The following LMOD2 variants were observed in gnomAD, a reference collection of about 807,000 sequenced individuals.
The protein encoded by LMOD2 is leiomodin 2, also known as leiomodin-2.
Under a neutral mutation model 41.7 loss-of-function variants are expected in LMOD2, and 27 were observed. The ratio of observed to expected loss-of-function variants is 0.65; its 90% CI spans 0.48 to 0.89. LMOD2 has a LOEUF of 0.89. Among genes scored for constraint, LMOD2 ranks in the 40% least tolerant of loss-of-function variants. The pLI is 0.00. For synonymous variants in LMOD2, 251 were observed against 244.6 expected, an observed-to-expected ratio of 1.03 and a Z score of -0.25; for missense variants, 624 against 667.9, an observed-to-expected ratio of 0.93 and a Z score of 0.72.
chr7:123,663,704 C>A lies in LMOD2; in HGVS notation c.1618-15C>A. The A allele has an allele frequency of 6.4e-7, 1 of 1,573,500 alleles. No homozygotes were observed. The highest frequency in any genetic ancestry group is 1.2e-5 in the South Asian group (1 of 85,798). On this transcript the variant is annotated splice_polypyrimidine_tract_variant and intron_variant, in intron 2 of 2. Transcript: ENST00000458573. ...GTGTGTTGTTTCATTGAGAGAAAAT[C>A]CGCTATTTTTGTAGGTGGAAGTTCC... is the stretch of plus-strand genomic sequence containing the variant.
In LMOD2 at chr7:123,662,585, C is replaced by T. The variant is rs1453075949; in HGVS notation, c.999C>T (p.Tyr333=). The change falls in exon 2 of 3, where the codon TAC becomes TAT. Residue 333 remains tyrosine (Y), a synonymous_variant. Coordinates refer to ENST00000458573, the MANE Select transcript of LMOD2 (RefSeq NM_207163.3). The surrounding 1 kb of genome is among the most constrained non-coding windows in gnomAD (Gnocchi z 4.0). ...KENTTLLRLG[Y]HFELPGPRMS... is the part of the protein sequence containing the mutation. ...ACACGACGCTGCTGAGGCTGGGATA[C>T]CATTTTGAACTCCCAGGACCAAGAA... is the stretch of plus-strand genomic sequence containing the variant. 4 of 1,613,914 alleles carry T rather than the reference C, an allele frequency of 2.5e-6. No homozygotes were observed. Among genetic ancestry groups the T allele is most frequent in the Non-Finnish European group, 3.4e-6 (4 of 1,179,886 alleles).
Position 123,663,741 on chromosome 7 carries a change from G to C in LMOD2, c.1640G>C (p.Arg547Pro), listed in dbSNP as rs553958237. ...TAGGTGGAAGTTCCAGAAGCCCTGC[G>C]ATAAAAACATGATCTTTAGAAGAGG... ...LKRVEVPEAL[R>P] The change falls in exon 3 of 3, where the codon CGA (arginine) becomes CCA (proline). Residue 547 changes from arginine to proline, a missense_variant. Arg to Pro is a moderately radical substitution (Grantham distance 103). Transcript: ENST00000458573. 2.5e-6 allele frequency: 4 copies of C among 1,577,856 alleles called. No individual in the cohort carries two copies. The African/African-American group carries it at 5.4e-5, about 21-fold the overall frequency.
chr7:123,660,801 C>T (rs1276567235), intron 1 of LMOD2, among the ~76,000 whole-genome samples: 2 of 151,620 alleles, frequency 1.3e-5, no homozygotes, highest in Non-Finnish European at 2.9e-5. Flanking sequence ...CGTCTTTGTA[C>T]AGCAAATCTT....
intron 2 of LMOD2, 87 bp from the exon 3 acceptor site, chr7:123,663,632 G>A (rs1802927154): frequency 8.9e-7 from 1 of 1,117,778 alleles, no homozygotes; most frequent in Non-Finnish European, 1.3e-6. Flanking sequence ...GTTCTTCTCA[G>A]AGGATACTGC....
chr7:123,660,706 T>G (rs1279514015), intron 1 of LMOD2, among the ~76,000 whole-genome samples: 1 of 150,698 alleles, frequency 6.6e-6, no homozygotes, highest in Non-Finnish European at 1.5e-5. Context: ...GAGAAAAAGA[T>G]TAGACTCTGT....
Position 123,662,183 on chromosome 7 carries a change from T to C in LMOD2, c.597T>C (p.Ile199=). 1 of 1,613,914 alleles carries C rather than the reference T, an allele frequency of 6.2e-7. No individual in the cohort carries two copies. The highest frequency in any genetic ancestry group is 8.5e-7 in the Non-Finnish European group (1 of 1,179,878). ...AIHPCGNPTV[I]EDALDKIKSN... ...ACCCTTGTGGAAATCCTACAGTGAT[T>C]GAGGACGCTTTGGACAAGATTAAAA... The change falls in exon 2 of 3, where the codon ATT becomes ATC. Residue 199 remains isoleucine, a synonymous_variant. Coordinates refer to ENST00000458573, the MANE Select transcript of LMOD2 (RefSeq NM_207163.3). The surrounding 1 kb of genome is among the most constrained non-coding windows in gnomAD (Gnocchi z 4.0).
chr7:123,662,455 GAGCTCTC>G lies in LMOD2; in HGVS notation c.870_876del (p.Arg290SerfsTer31). ...GGAAAGGGGATCCTGGCCATCATGAGAGCTCTCCAGCACAACACGGTGCTCACGGAGC... is the reference window on the plus strand; with the variant it reads ...GGAAAGGGGATCCTGGCCATCATGAGCAGCACAACACGGTGCTCACGGAGC... On this transcript the variant is annotated frameshift_variant, in exon 2 of 3. Coordinates refer to ENST00000458573, the MANE Select transcript of LMOD2 (RefSeq NM_207163.3). LOFTEE classifies it high-confidence loss of function. The surrounding 1 kb of genome is among the most constrained non-coding windows in gnomAD (Gnocchi z 4.0). The G allele has an allele frequency of 6.2e-7, 1 of 1,613,950 alleles. No individual in the cohort carries two copies. Among genetic ancestry groups the G allele is most frequent in the Non-Finnish European group, 8.5e-7 (1 of 1,179,894 alleles).
Position 123,655,867 on chromosome 7 carries a change from G to T in LMOD2, c.-97G>T. The T allele has an allele frequency of 8.8e-7, 1 of 1,132,274 alleles. No individual in the cohort carries two copies. Among genetic ancestry groups the T allele is most frequent in the Non-Finnish European group, 1.3e-6 (1 of 799,360 alleles). 70.1% of individuals were successfully genotyped at this position (1,132,274 alleles called of 1,614,324 possible). A position where few individuals can be genotyped will look rare whatever the true frequency, so the allele number is the denominator to read the frequency against. ...GCTCCCACAGCCACTCCTAGCACCAGTTGTTGACCAGCCTGCCACTTGCCT... is the reference window on the plus strand; with the variant it reads ...GCTCCCACAGCCACTCCTAGCACCATTTGTTGACCAGCCTGCCACTTGCCT... On this transcript the variant is annotated 5_prime_UTR_variant, in exon 1 of 3. Coordinates refer to ENST00000458573, the MANE Select transcript of LMOD2 (RefSeq NM_207163.3).
chr7:123,657,570 A>G (rs997420885), intron 1 of LMOD2, among the ~76,000 whole-genome samples: 3 of 152,212 alleles, frequency 2.0e-5, no homozygotes, highest in African/African-American at 7.2e-5. Flanking sequence ...GGGCAGGTCA[A>G]TTCCTCCACA....
At position 123,662,547 on chromosome 7, in the gene LMOD2, C is replaced by A. The variant is rs369589449; in HGVS notation, c.961C>A (p.Leu321Met). The change falls in exon 2 of 3, where the codon CTG (leucine) becomes ATG (methionine). Residue 321 changes from leucine (L) to methionine (M), a missense_variant. Transcript: ENST00000458573. This position sits in a 1 kb window ranked among gnomAD's most constrained non-coding sequence, Gnocchi z 4.0. ...CCAGGTGGAAATGGAGATTGTCAAG[C>A]TGCTGAAGGAGAACACGACGCTGCT... Reference protein sequence around the residue: ...GSQVEMEIVKLLKENTTLLRL... With the variant: ...GSQVEMEIVKMLKENTTLLRL... 1.2e-6 allele frequency: 2 copies of A among 1,613,650 alleles called. No individual in the cohort carries two copies. Among genetic ancestry groups the A allele is most frequent in the Admixed American group, 3.3e-5 (2 of 59,970 alleles).
chr7:123,656,808 G>T (rs1275980321), intron 1 of LMOD2, among the ~76,000 whole-genome samples: 1 of 152,116 alleles, frequency 6.6e-6, no homozygotes, highest in Admixed American at 6.6e-5. Context: ...TTTAGACCTT[G>T]AACAATCACT....
chr7:123,661,283 G>T (rs993028234), intron 1 of LMOD2, among the ~76,000 whole-genome samples: 6 of 152,198 alleles, frequency 3.9e-5, no homozygotes, highest in Admixed American at 3.9e-4. Flanking sequence ...TGACAGCTCT[G>T]CTTCTGTCTA....
Position 123,662,923 on chromosome 7 carries a change from C to G in LMOD2, c.1337C>G (p.Pro446Arg), listed in dbSNP as rs1327210855. The change falls in exon 2 of 3, where the codon CCT becomes CGT. Residue 446 changes from proline to arginine, a missense_variant. Physicochemically the swap from Pro to Arg is moderately radical, Grantham distance 103 (BLOSUM62 -2). Transcript: ENST00000458573. This position sits in a 1 kb window ranked among gnomAD's most constrained non-coding sequence, Gnocchi z 4.0. ...QRLPPPPPPP[P>R]PPLPEKKLIT... ...CTGCCACCACCTCCTCCTCCTCCCC[C>G]TCCTCCACTCCCAGAGAAAAAGCTC... The G allele has an allele frequency of 3.2e-6, 5 of 1,555,340 alleles. No homozygotes were observed. In the African/African-American group the frequency reaches 6.8e-5, roughly 21 times the overall value.
At chr7:123,661,839 T>G (rs1369508410) in intron 1 of LMOD2, 21 bp from the exon 2 acceptor site, 1 of 1,420,678 alleles carries the variant, frequency 7.0e-7, no homozygotes, top group Non-Finnish European at 9.4e-7. Context: ...AGAAGCTTAA[T>G]GATGATATCA....
intron 1 of LMOD2, among the ~76,000 whole-genome samples, chr7:123,660,007 C>G (rs1584842120): frequency 6.6e-6 from 1 of 152,150 alleles, no homozygotes. Context: ...AGGCCCCTTT[C>G]CTCCAAATAC....
rs143098443 is a variant in LMOD2 at position 123,656,030 on chromosome 7, G to A, written c.67G>A (p.Ala23Thr). The A allele has an allele frequency of 4.1e-4, 656 of 1,610,226 alleles. 1 individual carries two copies. The African/African-American group carries it at 7.0e-3, about 17-fold the overall frequency. ...YESIDEDELL[A>T]SLSAEELKEL... ...ATCCATCGACGAGGATGAACTCCTCGCCTCCCTGTCAGCCGAGGAGCTGAA... is the reference window on the plus strand; with the variant it reads ...ATCCATCGACGAGGATGAACTCCTCACCTCCCTGTCAGCCGAGGAGCTGAA... Residue 23 changes from alanine to threonine, a missense_variant, in exon 1 of 3, where the codon GCC (alanine) becomes ACC (threonine). By Grantham distance (58) the Ala-to-Thr change is moderately conservative. Transcript: ENST00000458573.
At position 123,662,387 on chromosome 7, in the gene LMOD2, T is replaced by G; in HGVS notation, c.801T>G (p.Asn267Lys). ...AMAIAEMLKV[N>K]EHITNVNVES... ...CCATTGCAGAGATGCTCAAAGTCAA[T>G]GAGCACATCACCAACGTAAACGTCG... Residue 267 changes from asparagine to lysine, a missense_variant, in exon 2 of 3, where the codon AAT becomes AAG. Transcript: ENST00000458573. This position sits in a 1 kb window ranked among gnomAD's most constrained non-coding sequence, Gnocchi z 4.0. 6.2e-7 allele frequency: 1 copy of G among 1,613,588 alleles called. No individual in the cohort carries two copies.
intron 1 of LMOD2, among the ~76,000 whole-genome samples, chr7:123,659,480 T>C (rs1167766486): frequency 6.6e-6 from 1 of 152,222 alleles, no homozygotes; most frequent in Non-Finnish European, 1.5e-5. Context: ...TGTCCGGAAC[T>C]ATCTAGATTT....
At chr7:123,659,509 A>G (rs970446965) in intron 1 of LMOD2, among the ~76,000 whole-genome samples, 10 of 152,170 alleles carry the variant, frequency 6.6e-5, no homozygotes, top group African/African-American at 2.4e-4. Context: ...AAATCCTGGG[A>G]AACCCTTCAC....
Sources: allele counts gnomAD v4.1 joint callset (sites outside exome capture counted in the v4.1 genomes callset), GRCh38; gene constraint gnomAD v4.1.1; non-coding constraint Gnocchi (gnomAD v3.1); transcripts MANE v1.5; gene names NCBI Gene and HGNC (gene_info 2026-07-23, HGNC 2026-07-21).